Variants in PKD1 observed in about 807,000 individuals in gnomAD.
PKD1 encodes the protein polycystin-1.
In PKD1, 81 loss-of-function variants were observed where a neutral mutation model predicts 361.7. The ratio of observed to expected loss-of-function variants is 0.22; its 90% CI spans 0.19 to 0.27. The LOEUF (loss-of-function observed/expected upper bound fraction) is 0.27. PKD1 is among the 10% of genes least tolerant of loss of function. The probability of loss-of-function intolerance (pLI) is 1.00; values close to 1 mark genes in which losing one functional copy is unlikely to be tolerated. For missense variants in PKD1, 6,399 were observed against 6,118.3 expected (o/e 1.05, Z -1.53); for synonymous variants, 3,615 against 2,818.3 (o/e 1.28, Z -8.95).
intron 23 of PKD1, 44 bp from the exon 24 acceptor site, chr16:2,103,014 C>T (rs965315936): frequency 1.3e-6 from 2 of 1,594,158 alleles, no homozygotes; most frequent in Non-Finnish European, 1.7e-6. Context: ...GGAAGCTCAA[C>T]CACCCGGGGG....
chr16:2,097,661 C>G, intron 32 of PKD1, 67 bp downstream of exon 32: 1 of 1,610,694 alleles, frequency 6.2e-7, no homozygotes, highest in Non-Finnish European at 8.5e-7. Flanking sequence ...ACACGCAGCC[C>G]GCACACCCCC....
At chr16:2,091,256 G>T in intron 42 of PKD1, 82 bp from the exon 43 acceptor site, 1 of 516,622 alleles carries the variant, frequency 1.9e-6, no homozygotes, top group Non-Finnish European at 2.7e-6. Context: ...GCCGGGGCGG[G>T]GCCCTACGAG....
chr16:2,092,234 C>A, intron 39 of PKD1, 46 bp from the exon 40 acceptor site: 1 of 1,544,714 alleles, frequency 6.5e-7, no homozygotes, highest in Non-Finnish European at 8.7e-7. Context: ...CTCATCAAAA[C>A]CCAACAGGAG....
rs2091364072 is a variant in PKD1, at chr16:2,089,639, G to A, written c.*88C>T. 11 of 1,480,280 alleles carry A rather than the reference G, an allele frequency of 7.4e-6. No homozygotes were observed. Among genetic ancestry groups the A allele is most frequent in the Non-Finnish European group, 8.3e-6 (9 of 1,089,938 alleles). The allele number at this position is 1,480,280 out of a possible 1,614,324, so 91.7% of individuals were successfully genotyped here. A position where few individuals can be genotyped will look rare whatever the true frequency, so the allele number is the denominator to read the frequency against. ...TGGGGAACCTACGTGCAGCCATTCT[G>A]CCTGGCCCTCGGCCTTGACAGCGGC... On this transcript the variant is annotated 3_prime_UTR_variant, in exon 46 of 46. Transcript: ENST00000262304.
chr16:2,092,817 C>G, intron 38 of PKD1, 137 bp downstream of exon 38: 1 of 1,097,272 alleles, frequency 9.1e-7, no homozygotes, highest in Non-Finnish European at 1.4e-6. Context: ...CCTCTGCCTA[C>G]TGATGCCAGC....
chr16:2,107,561 A>G (rs2092385975), intron 16 of PKD1: 2 of 463,700 alleles, frequency 4.3e-6, no homozygotes, highest in Admixed American at 6.8e-5. Context: ...GAACCGGCCC[A>G]CCACATCCAG....
At chr16:2,107,791 G>A (rs564449781) in intron 16 of PKD1, 92 bp downstream of exon 16, 127 of 1,199,354 alleles carry the variant, frequency 1.1e-4, no homozygotes, top group African/African-American at 6.3e-4. Context: ...GAGAGCGTGC[G>A]GCCTCCACCA....
At position 2,103,627 on chromosome 16, in the gene PKD1, C is replaced by G; in HGVS notation, c.8430G>C (p.Glu2810Asp). The G allele has an allele frequency of 6.2e-7, 1 of 1,610,480 alleles. No individual in the cohort carries two copies. Among genetic ancestry groups the G allele is most frequent in the Non-Finnish European group, 8.5e-7 (1 of 1,179,718 alleles). ...PGPGCHFSIPEAFSGALANLS... is the reference protein window; with the variant it reads ...PGPGCHFSIPDAFSGALANLS... Reference sequence around the variant, plus strand: ...GGTTGGCCAGGGCCCCGCTGAAAGCCTCGGGGATGGAGAAGTGGCAGCCAG... The same window carrying G: ...GGTTGGCCAGGGCCCCGCTGAAAGCGTCGGGGATGGAGAAGTGGCAGCCAG... The change falls in exon 23 of 46, where the codon GAG becomes GAC. Residue 2810 changes from glutamate (E) to aspartate (D), a missense_variant. Physicochemically the swap from Glu to Asp is conservative, Grantham distance 45. Coordinates refer to ENST00000262304, the MANE Select transcript of PKD1 (RefSeq NM_001009944.3).
At chr16:2,101,484 G>A (rs888821678) in intron 26 of PKD1, among the ~76,000 whole-genome samples, 5 of 152,150 alleles carry the variant, frequency 3.3e-5, no homozygotes, top group African/African-American at 1.2e-4. Context: ...GGGTGTGGTG[G>A]TGTGCACCTG....
In PKD1 at chr16:2,130,137, T is replaced by C. The variant is rs572090462; in HGVS notation, c.215+5338A>G. 3.3e-5 allele frequency among the ~76,000 whole-genome samples: 5 copies of C among 152,352 alleles called. No individual in the cohort carries two copies. In the South Asian group the frequency reaches 8.3e-4, roughly 25 times the overall value. Reference sequence around the variant, plus strand: ...TTGCATCCGCGTCTAATAAAGAAACTACCGTTTCTCACGCAGGCACGTTCT... The same window carrying C: ...TTGCATCCGCGTCTAATAAAGAAACCACCGTTTCTCACGCAGGCACGTTCT... On this transcript the variant is annotated intron_variant, in intron 1 of 45. Coordinates refer to ENST00000262304, the MANE Select transcript of PKD1 (RefSeq NM_001009944.3).
Position 2,090,699 on chromosome 16 carries a change from AC to A in PKD1, c.12112del (p.Val4038Ter). ...GVTLGLVVLG[V>X]AYAQLAILLV... ...CAGGATGGCCAGCTGGGCGTAGGCT[AC>A]CCCGAGCACCACCAGGCCCAAGGTG... On this transcript the variant is annotated frameshift_variant, in exon 44 of 46. Coordinates refer to ENST00000262304, the MANE Select transcript of PKD1 (RefSeq NM_001009944.3). LOFTEE classifies it high-confidence loss of function. 6.2e-7 allele frequency: 1 copy of A among 1,612,360 alleles called. No individual in the cohort carries two copies. The highest frequency in any genetic ancestry group is 8.5e-7 in the Non-Finnish European group (1 of 1,179,930).
At chr16:2,129,789 G>A (rs2092846422) in intron 1 of PKD1, among the ~76,000 whole-genome samples, 1 of 151,498 alleles carries the variant, frequency 6.6e-6, no homozygotes, top group Non-Finnish European at 1.5e-5. Context: ...GGGCTCAAGC[G>A]ATCCACCCAC....
rs571731180 is a variant in PKD1 at position 2,088,763 on chromosome 16, G to T, written c.*964C>A. On this transcript the variant is annotated 3_prime_UTR_variant, in exon 46 of 46. Coordinates refer to ENST00000262304, the MANE Select transcript of PKD1 (RefSeq NM_001009944.3). ...GTCTGCTTGGTGCGGGGGTTGGGGGGGTGTCGAGGCTCTAGAAGCGGCCAT... is the reference window on the plus strand; with the variant it reads ...GTCTGCTTGGTGCGGGGGTTGGGGGTGTGTCGAGGCTCTAGAAGCGGCCAT... The T allele has an allele frequency of 5.8e-5, 64 of 1,112,342 alleles. No individual in the cohort carries two copies. The South Asian group carries it at 9.1e-4, about 16-fold the overall frequency. 68.9% of individuals were successfully genotyped at this position (1,112,342 alleles called of 1,614,324 possible).
At position 2,093,649 on chromosome 16, in the gene PKD1, C is replaced by A. The variant is rs745425729; in HGVS notation, c.10911G>T (p.Thr3637=). The A allele has an allele frequency of 1.2e-5, 19 of 1,608,456 alleles. No individual in the cohort carries two copies. The highest frequency in any genetic ancestry group is 1.5e-5 in the Non-Finnish European group (18 of 1,177,920). The change falls in exon 37 of 46, where the codon ACG becomes ACT. Residue 3637 remains threonine, a synonymous_variant. Transcript: ENST00000262304. ...DDTLVESPAV[T]PVSARVPRVR... ...CGCGGGGCACACGTGCGCTCACAGG[C>A]GTCACAGCCGGGCTCTCTACCAGGG...
At chr16:2,105,554 G>A in intron 20 of PKD1, 80 bp from the exon 21 acceptor site, 1 of 1,594,870 alleles carries the variant, frequency 6.3e-7, no homozygotes, top group Non-Finnish European at 8.5e-7. Flanking sequence ...ACGACTCCCG[G>A]GGTGCAGTTA....
At position 2,117,852 on chromosome 16, in the gene PKD1, G is replaced by A. The variant is rs2519260; in HGVS notation, c.1140C>T (p.Arg380=). The change falls in exon 5 of 46, where the codon CGC becomes CGT. Residue 380 remains arginine (R), a synonymous_variant. Transcript: ENST00000262304. ...AGGCGGCCTCCAGGCCTGAACCACC[G>A]CGGTTCTGGATGCTGAGGTCGAGGC... The part of the protein sequence containing the change: ...DESLDLSIQN[R]GGSGLEAAYS... 2.3e-5 allele frequency: 30 copies of A among 1,300,062 alleles called. No homozygotes were observed. The highest frequency in any genetic ancestry group is 1.2e-4 in the African/African-American group (8 of 68,388). The allele number at this position is 1,300,062 out of a possible 1,614,324, so 80.5% of individuals were successfully genotyped here.
chr16:2,090,507 CAG>C lies in PKD1; in HGVS notation c.12220_12221del (p.Leu4074ValfsTer82). The C allele has an allele frequency of 6.2e-7, 1 of 1,611,354 alleles. No homozygotes were observed. Among genetic ancestry groups the C allele is most frequent in the Non-Finnish European group, 8.5e-7 (1 of 1,179,508 alleles). On this transcript the variant is annotated frameshift_variant, in exon 45 of 46. Transcript: ENST00000262304. LOFTEE classifies it high-confidence loss of function. ...ACAGGTGCCAGGACTCGGCAGGACACAGGGTAGAGAGCCCAGTCCCAGGGCAC... is the reference window on the plus strand; with the variant it reads ...ACAGGTGCCAGGACTCGGCAGGACACGGTAGAGAGCCCAGTCCCAGGGCAC... Reference protein sequence around the residue: ...VLCPGTGLSTLCPAESWHLSP... With the variant: ...VLCPGTGLSTXCPAESWHLSP...
rs752018948 is a variant in PKD1, at chr16:2,111,759, G to A, written c.3408C>T (p.Gly1136=). ...TGACGGGCCGGCCGGCCACCAGGAC[G>A]CCGTCACTCACACCCACAGCCACGG... ...LPSVAVGVSD[G]VLVAGRPVTF... is the part of the protein sequence containing the mutation. Residue 1136 remains glycine, a synonymous_variant, in exon 15 of 46, where the codon GGC becomes GGT. Transcript: ENST00000262304. 2.2e-5 allele frequency: 36 copies of A among 1,604,258 alleles called. No individual in the cohort carries two copies. Among genetic ancestry groups the A allele is most frequent in the Middle Eastern group, 2.3e-4 (1 of 4,438 alleles).
In PKD1 at chr16:2,090,706, G is replaced by A. The variant is rs12927338; in HGVS notation, c.12106C>T (p.Leu4036Phe). 10 of 1,612,274 alleles carry A rather than the reference G, an allele frequency of 6.2e-6. No homozygotes were observed. The highest frequency in any genetic ancestry group is 5.3e-5 in the African/African-American group (4 of 74,888). The change falls in exon 44 of 46, where the codon CTC becomes TTC. Residue 4036 changes from leucine (L) to phenylalanine (F), a missense_variant. By Grantham distance (22) the Leu-to-Phe change is conservative. Coordinates refer to ENST00000262304, the MANE Select transcript of PKD1 (RefSeq NM_001009944.3). ...GCCAGCTGGGCGTAGGCTACCCCGAGCACCACCAGGCCCAAGGTGACCCCC... is the reference window on the plus strand; with the variant it reads ...GCCAGCTGGGCGTAGGCTACCCCGAACACCACCAGGCCCAAGGTGACCCCC... ...LLGVTLGLVV[L>F]GVAYAQLAIL... is the part of the protein sequence containing the mutation.
Sources: gnomAD v4.1 joint callset for allele counts (sites outside exome capture counted in the v4.1 genomes callset) on GRCh38, gnomAD v4.1.1 for gene constraint, MANE v1.5 for transcripts, NCBI Gene and HGNC (gene_info 2026-07-23, HGNC 2026-07-21) for gene names.